The following GLDC variants were observed in gnomAD, a reference collection of about 807,000 sequenced individuals.
GLDC encodes glycine decarboxylase, also known as glycine dehydrogenase (decarboxylating), mitochondrial.
Under a neutral mutation model 121.3 loss-of-function variants are expected in GLDC, and 104 were observed. The ratio of observed to expected loss-of-function variants is 0.86; its 90% confidence interval spans 0.73 to 1.01. GLDC has a LOEUF of 1.01. Among genes scored for constraint, GLDC ranks in the 50% least tolerant of loss-of-function variants. GLDC has a pLI of 0.00. For missense variants in GLDC, 1,429 were observed against 1,306.6 expected (o/e 1.09, Z -1.44); for synonymous variants, 546 against 480.6 (o/e 1.14, Z -1.78).
chr9:6,543,869 G>A (rs1817326046), intron 21 of GLDC, among the ~76,000 whole-genome samples: 1 of 151,808 alleles, frequency 6.6e-6, no homozygotes, highest in Admixed American at 6.6e-5. Context: ...AAGGTACCAC[G>A]TGAAAGGGGC....
intron 8 of GLDC, among the ~76,000 whole-genome samples, chr9:6,596,141 T>G (rs1182112671): frequency 6.6e-6 from 1 of 152,202 alleles, no homozygotes; most frequent in Admixed American, 6.5e-5. Flanking sequence ...AAAGAATCTG[T>G]GACACACTGT....
chr9:6,630,205 C>G (rs1011780216), intron 2 of GLDC, among the ~76,000 whole-genome samples: 1 of 151,846 alleles, frequency 6.6e-6, no homozygotes, highest in East Asian at 1.9e-4. Flanking sequence ...GGAGGCGGAG[C>G]TTGCAGTGAG....
intron 21 of GLDC, 54 bp from the exon 22 acceptor site, chr9:6,540,200 C>G (rs1817226333): frequency 9.2e-7 from 1 of 1,081,224 alleles, no homozygotes; most frequent in Non-Finnish European, 1.4e-6. Flanking sequence ...TTGTTTTACC[C>G]AAACAAATGA....
At chr9:6,554,317 G>C (rs1209984045) in intron 19 of GLDC, among the ~76,000 whole-genome samples, 2 of 151,970 alleles carry the variant, frequency 1.3e-5, no homozygotes, top group African/African-American at 4.8e-5. Context: ...AAAAAAAAAT[G>C]CTAGGAAATC....
intron 15 of GLDC, among the ~76,000 whole-genome samples, chr9:6,581,838 G>T (rs1379021916): frequency 6.6e-6 from 1 of 152,140 alleles, no homozygotes; most frequent in Non-Finnish European, 1.5e-5. Context: ...AGTTGCCTTT[G>T]TGCATCAAAA....
chr9:6,570,293 A>C (rs1455336902), intron 15 of GLDC, among the ~76,000 whole-genome samples: 1 of 152,238 alleles, frequency 6.6e-6, no homozygotes, highest in Non-Finnish European at 1.5e-5. Flanking sequence ...CCATAAGAAA[A>C]GACCACGCTG....
intron 22 of GLDC, among the ~76,000 whole-genome samples, chr9:6,539,164 T>C (rs1817199294): frequency 6.6e-6 from 1 of 152,160 alleles, no homozygotes; most frequent in African/African-American, 2.4e-5. Context: ...TTGATATTAT[T>C]ATCATTTTCA....
chr9:6,612,351 G>C (rs1280625722), intron 3 of GLDC, among the ~76,000 whole-genome samples: 1 of 151,904 alleles, frequency 6.6e-6, no homozygotes, highest in Non-Finnish European at 1.5e-5. Context: ...TGCTTGGAAA[G>C]GCAACCTCCC....
intron 4 of GLDC, among the ~76,000 whole-genome samples, chr9:6,607,078 T>G (rs935244711): frequency 2.0e-4 from 30 of 151,776 alleles, no homozygotes; most frequent in African/African-American, 6.8e-4. Flanking sequence ...AAAAAAAAAT[T>G]TAAAAAAAAA....
At chr9:6,571,829 A>G (rs1186986909) in intron 15 of GLDC, among the ~76,000 whole-genome samples, 3 of 152,218 alleles carry the variant, frequency 2.0e-5, no homozygotes, top group African/African-American at 4.8e-5. Context: ...AGCTACAATA[A>G]TCAAGCCTAT....
intron 4 of GLDC, among the ~76,000 whole-genome samples, chr9:6,607,066 C>CA (rs903027622): frequency 3.4e-4 from 50 of 147,966 alleles, no homozygotes; most frequent in Admixed American, 2.2e-3. Flanking sequence ...AACTCTGTCT[C>CA]AAAAAAAAAA....
chr9:6,548,692 TG>T (rs1446564515), intron 21 of GLDC, among the ~76,000 whole-genome samples: 1 of 152,170 alleles, frequency 6.6e-6, no homozygotes, highest in Non-Finnish European at 1.5e-5. Context: ...GCGGGTGGGC[TG>T]GTTCCTGACG....
In GLDC at chr9:6,565,348, A is replaced by G. The variant is rs200007891; in HGVS notation, c.1926+6T>C. On this transcript the variant is annotated splice_donor_region_variant and intron_variant, in intron 16 of 24. Transcript: ENST00000321612. ...GTGAGCAAGCGCCACCTCCTGCCAT[A>G]CTCACCGTTCTGTGCCCCTCTCCTT... The G allele has an allele frequency of 1.1e-4, 172 of 1,607,668 alleles. No individual in the cohort carries two copies. Among genetic ancestry groups the G allele is most frequent in the Admixed American group, 1.3e-4 (8 of 59,992 alleles).
In GLDC at chr9:6,639,170, T is replaced by G; in HGVS notation, c.334+5444A>C. 3.8e-6 allele frequency: 3 copies of G among 790,456 alleles called. No individual in the cohort carries two copies. The South Asian group carries it at 4.1e-5, about 11-fold the overall frequency. 49.0% of individuals were successfully genotyped at this position (790,456 alleles called of 1,614,324 possible). A position where few individuals can be genotyped will look rare whatever the true frequency, so the allele number is the denominator to read the frequency against. On this transcript the variant is annotated intron_variant, in intron 2 of 24. Coordinates refer to ENST00000321612, the MANE Select transcript of GLDC (RefSeq NM_000170.3). ...CGCCGAAAGCGAAGAAGGAAGCTCC[T>G]GCCCCTCCTAAAGCCGAAGCCAAAG...
At chr9:6,555,374 C>T (rs1195076878) in intron 18 of GLDC, among the ~76,000 whole-genome samples, 1 of 151,968 alleles carries the variant, frequency 6.6e-6, no homozygotes, top group African/African-American at 2.4e-5. Flanking sequence ...TTGATGGTGA[C>T]CAAAGGTACA....
intron 2 of GLDC, among the ~76,000 whole-genome samples, chr9:6,630,386 C>A (rs546306047): frequency 6.6e-6 from 1 of 152,196 alleles, no homozygotes; most frequent in Non-Finnish European, 1.5e-5. Context: ...AGGCCATCCA[C>A]AGACCATGTT....
At chr9:6,545,766 G>A (rs866512743) in intron 21 of GLDC, among the ~76,000 whole-genome samples, 2 of 151,774 alleles carry the variant, frequency 1.3e-5, no homozygotes, top group African/African-American at 2.4e-5. Flanking sequence ...TCAGCCTCCC[G>A]AGTAGCTGGG....
intron 3 of GLDC, among the ~76,000 whole-genome samples, chr9:6,615,798 G>C (rs1042963394): frequency 6.6e-6 from 1 of 152,090 alleles, no homozygotes; most frequent in Non-Finnish European, 1.5e-5. Flanking sequence ...ATTTTTTGTA[G>C]AGATAGGGTT....
intron 3 of GLDC, among the ~76,000 whole-genome samples, chr9:6,613,767 C>T (rs1268068503): frequency 6.6e-6 from 1 of 151,810 alleles, no homozygotes; most frequent in Non-Finnish European, 1.5e-5. Context: ...TATATGATAA[C>T]TAGTTTTTTG....
Sources: allele counts gnomAD v4.1 joint callset (sites outside exome capture counted in the v4.1 genomes callset), GRCh38; gene constraint gnomAD v4.1.1; transcripts MANE v1.5; gene names NCBI Gene and HGNC (gene_info 2026-07-23, HGNC 2026-07-21).